TMEM41B: variants seen among roughly 807,000 people sequenced by gnomAD.
TMEM41B encodes the protein transmembrane protein 41B, also known as protein stasimon.
A neutral mutation model predicts 31.9 loss-of-function variants in TMEM41B; 18 were observed. That is an observed-to-expected ratio of 0.56 (90% CI 0.39 to 0.84). The LOEUF (loss-of-function observed/expected upper bound fraction) is 0.84, where lower values mean the gene tolerates loss of function less well. TMEM41B is among the 40% of genes least tolerant of loss of function. TMEM41B has a pLI of 0.00. For missense variants in TMEM41B, 322 were observed against 348.0 expected (o/e 0.93, Z 0.59); for synonymous variants, 144 against 124.3 (o/e 1.16, Z -1.05).
At position 9,286,483 on chromosome 11, in the gene TMEM41B, C is replaced by T; in HGVS notation, c.678G>A (p.Leu226=). ...GAAAAGTACCAATAAAAAAAACTTTCAATGGCACGTTTATCACAGGAGATG... is the reference window on the plus strand; with the variant it reads ...GAAAAGTACCAATAAAAAAAACTTTTAATGGCACGTTTATCACAGGAGATG... ...NITSPVINVP[L]KVFFIGTFLG... Residue 226 remains leucine (L), a synonymous_variant, in exon 6 of 7, where the codon TTG becomes TTA. Coordinates refer to ENST00000528080, the MANE Select transcript of TMEM41B (RefSeq NM_015012.4). The T allele has an allele frequency of 1.2e-6, 2 of 1,611,308 alleles. No homozygotes were observed. Among genetic ancestry groups the T allele is most frequent in the Non-Finnish European group, 1.7e-6 (2 of 1,179,252 alleles).
intron 3 of TMEM41B, among the ~76,000 whole-genome samples, chr11:9,293,250 G>A (rs1254158598): frequency 6.6e-6 from 1 of 152,082 alleles, no homozygotes. Context: ...CTACAGGCAT[G>A]TACCAAGACA....
At chr11:9,303,079 C>T (rs919619647) in intron 1 of TMEM41B, among the ~76,000 whole-genome samples, 1 of 122,556 alleles carries the variant, frequency 8.2e-6, no homozygotes, top group Admixed American at 8.2e-5. Flanking sequence ...TGCAGTGGCA[C>T]GATCTCGGCT....
chr11:9,294,495 A>G (rs1853038948), intron 3 of TMEM41B, among the ~76,000 whole-genome samples: 1 of 105,582 alleles, frequency 9.5e-6, no homozygotes, highest in African/African-American at 2.9e-5. Context: ...TCTCAAAAAA[A>G]AAAAAAAAAA....
At chr11:9,307,363 G>A (rs967878339) in intron 1 of TMEM41B, among the ~76,000 whole-genome samples, 7 of 152,066 alleles carry the variant, frequency 4.6e-5, no homozygotes, top group Non-Finnish European at 8.8e-5. Flanking sequence ...TTATTTCAAC[G>A]GTCTTAAACT....
chr11:9,311,361 T>A, intron 1 of TMEM41B: 1 of 1,490,784 alleles, frequency 6.7e-7, no homozygotes, highest in Non-Finnish European at 9.3e-7. Flanking sequence ...CATTTTCTTC[T>A]GTATCTTCTT....
intron 6 of TMEM41B, 115 bp downstream of exon 6, chr11:9,286,340 A>C: frequency 9.1e-7 from 1 of 1,103,176 alleles, no homozygotes; most frequent in Non-Finnish European, 1.3e-6. Flanking sequence ...TGTGCCCAAG[A>C]ATTCTAGATG....
chr11:9,311,821 C>T (rs1166021176), intron 1 of TMEM41B: 1 of 531,102 alleles, frequency 1.9e-6, no homozygotes, highest in African/African-American at 1.9e-5. Context: ...CGTGTTACCT[C>T]TGCCTTACTC....
rs1387622283 is a variant in TMEM41B, at chr11:9,288,665, C to T, written c.369-130G>A. ...GAGATTATATCCAAAGGTCTAGCCT[C>T]TAAGTTGACCATTTACTAAACAGTA... On this transcript the variant is annotated intron_variant, in intron 3 of 6. Transcript: ENST00000528080. 2.5e-5 allele frequency: 15 copies of T among 599,152 alleles called. No individual in the cohort carries two copies. In the Admixed American group the frequency reaches 5.4e-4, roughly 22 times the overall value. 37.1% of individuals were successfully genotyped at this position (599,152 alleles called of 1,614,324 possible). A position where few individuals can be genotyped will look rare whatever the true frequency, so the allele number is the denominator to read the frequency against.
At chr11:9,290,026 T>C (rs1852917908) in intron 3 of TMEM41B, among the ~76,000 whole-genome samples, 1 of 150,908 alleles carries the variant, frequency 6.6e-6, no homozygotes, top group African/African-American at 2.4e-5. Flanking sequence ...TACATGTCTC[T>C]GTCAAAAACA....
intron 3 of TMEM41B, among the ~76,000 whole-genome samples, chr11:9,290,487 C>A (rs10770010): frequency 0.39 from 59,673 of 151,534 alleles, 12,598 homozygotes; most frequent in East Asian, 0.5. Context: ...CAACGTGGCA[C>A]ACATATACGT....
At chr11:9,295,209 C>A in intron 3 of TMEM41B, 50 bp downstream of exon 3, 1 of 1,433,624 alleles carries the variant, frequency 7.0e-7, no homozygotes, top group Non-Finnish European at 9.4e-7. Context: ...AGACCTTTTA[C>A]ACTTTTTCTT....
intron 3 of TMEM41B, among the ~76,000 whole-genome samples, chr11:9,290,398 A>T (rs1239188719): frequency 6.6e-6 from 1 of 152,102 alleles, no homozygotes; most frequent in Non-Finnish European, 1.5e-5. Context: ...AAAACAAAAC[A>T]TCATATTATG....
At chr11:9,303,706 C>T (rs537606358) in intron 1 of TMEM41B, among the ~76,000 whole-genome samples, 40 of 136,844 alleles carry the variant, frequency 2.9e-4, no homozygotes, top group African/African-American at 1.0e-3. Flanking sequence ...CAGCCTCTGT[C>T]GCCCAGTCTG....
intron 1 of TMEM41B, among the ~76,000 whole-genome samples, chr11:9,305,801 T>A (rs1243453761): frequency 6.6e-6 from 1 of 152,120 alleles, no homozygotes; most frequent in African/African-American, 2.4e-5. Flanking sequence ...TATGAGCATC[T>A]TTTAAAACCT....
At chr11:9,310,508 G>C (rs1294724101) in intron 1 of TMEM41B, among the ~76,000 whole-genome samples, 1 of 151,830 alleles carries the variant, frequency 6.6e-6, no homozygotes, top group Non-Finnish European at 1.5e-5. Context: ...CCTCACAAGG[G>C]TCATGACTTA....
chr11:9,313,113 A>G (rs543169098), intron 1 of TMEM41B, among the ~76,000 whole-genome samples: 81 of 152,232 alleles, frequency 5.3e-4, no homozygotes, highest in African/African-American at 1.9e-3. Context: ...GGAAACCCAG[A>G]CCTTGGAATA....
At chr11:9,290,444 A>G (rs1237731886) in intron 3 of TMEM41B, among the ~76,000 whole-genome samples, 3 of 151,932 alleles carry the variant, frequency 2.0e-5, no homozygotes, top group African/African-American at 7.2e-5. Flanking sequence ...AGAAATACTC[A>G]ATGTAAATGA....
chr11:9,314,309 G>T lies in TMEM41B; in HGVS notation c.121+12C>A. ...CGGGCCACCCCCAGCTCTGCTCCCC[G>T]GGCCCACTCACCCTTCTGGTGGTCT... On this transcript the variant is annotated intron_variant, in intron 1 of 6. Transcript: ENST00000528080. The T allele has an allele frequency of 6.3e-7, 1 of 1,594,530 alleles. No homozygotes were observed.
At chr11:9,298,479 T>A (rs902695049) in intron 2 of TMEM41B, among the ~76,000 whole-genome samples, 1 of 147,588 alleles carries the variant, frequency 6.8e-6, no homozygotes, top group Non-Finnish European at 1.5e-5. Context: ...AAAAAAAAAT[T>A]GTGGGCTGGG....
Sources: gnomAD v4.1 joint callset for allele counts (sites outside exome capture counted in the v4.1 genomes callset) on GRCh38, gnomAD v4.1.1 for gene constraint, MANE v1.5 for transcripts, NCBI Gene and HGNC (gene_info 2026-07-23, HGNC 2026-07-21) for gene names.